Variants in EYS observed in about 807,000 individuals in gnomAD.
EYS encodes the protein EGF-like photoreceptor maintenance factor.
Under a neutral mutation model 282.1 loss-of-function variants are expected in EYS, and 250 were observed. The ratio of observed to expected loss-of-function variants is 0.89; its 90% confidence interval spans 0.80 to 0.98. The LOEUF is 0.98. EYS is among the 50% of genes least tolerant of loss of function. The pLI is 0.00. For missense variants in EYS, 4,016 were observed against 3,709.0 expected (o/e 1.08, Z -2.15); for synonymous variants, 1,355 against 1,282.9 (o/e 1.06, Z -1.20).
At chr6:65,108,820 T>C (rs1775120722) in intron 12 of EYS, among the ~76,000 whole-genome samples, 1 of 152,162 alleles carries the variant, frequency 6.6e-6, no homozygotes, top group African/African-American at 2.4e-5. Context: ...TAAAATTATA[T>C]ATATGTTGGA....
chr6:63,972,243 T>C (rs1447970820), intron 35 of EYS, among the ~76,000 whole-genome samples: 1 of 152,174 alleles, frequency 6.6e-6, no homozygotes, highest in Non-Finnish European at 1.5e-5. Context: ...ATTTTATGAA[T>C]TTGTCTTAGA....
At chr6:64,916,774 C>T (rs1311334721) in intron 15 of EYS, among the ~76,000 whole-genome samples, 2 of 152,090 alleles carry the variant, frequency 1.3e-5, no homozygotes, top group African/African-American at 2.4e-5. Context: ...CAAGTAAGTG[C>T]GTGCCTAAAG....
intron 2 of EYS, among the ~76,000 whole-genome samples, chr6:65,620,257 T>G (rs1287776240): frequency 5.3e-5 from 8 of 152,224 alleles, no homozygotes; most frequent in Non-Finnish European, 5.9e-5. Context: ...ATTCAGAGAT[T>G]CAGCTTCTTC....
At chr6:64,903,984 A>AG (rs1398523229) in intron 16 of EYS, among the ~76,000 whole-genome samples, 1 of 152,230 alleles carries the variant, frequency 6.6e-6, no homozygotes, top group African/African-American at 2.4e-5. Flanking sequence ...ACAAATAGCT[A>AG]GAAGGTGTAT....
chr6:64,346,491 G>A (rs891510911), intron 29 of EYS, among the ~76,000 whole-genome samples: 1 of 150,916 alleles, frequency 6.6e-6, no homozygotes, highest in East Asian at 2.0e-4. Flanking sequence ...TCTTAAGTGG[G>A]AATTGAACAA....
chr6:65,017,123 A>C (rs949489109), intron 13 of EYS, among the ~76,000 whole-genome samples: 3 of 152,114 alleles, frequency 2.0e-5, no homozygotes, highest in Admixed American at 2.0e-4. Flanking sequence ...ACATTGGACA[A>C]ATTTCTTCTC....
At chr6:64,660,546 A>T in intron 22 of EYS, among the ~76,000 whole-genome samples, 1 of 152,238 alleles carries the variant, frequency 6.6e-6, no homozygotes, top group Non-Finnish European at 1.5e-5. Context: ...AAGTCTCAGG[A>T]TACAAAAGCC....
At chr6:64,101,011 G>T (rs1057098137) in intron 31 of EYS, among the ~76,000 whole-genome samples, 1 of 151,940 alleles carries the variant, frequency 6.6e-6, no homozygotes, top group African/African-American at 2.4e-5. Flanking sequence ...TGCTGGCCTT[G>T]AAATCCTATA....
intron 29 of EYS, among the ~76,000 whole-genome samples, chr6:64,343,746 C>CA (rs1561941387): frequency 2.0e-5 from 3 of 152,042 alleles, no homozygotes; most frequent in East Asian, 3.9e-4. Context: ...AAAAACCCTT[C>CA]AAAAAATCAG....
intron 26 of EYS, among the ~76,000 whole-genome samples, chr6:64,555,980 G>GA (rs1765221420): frequency 6.6e-6 from 1 of 151,822 alleles, no homozygotes; most frequent in Non-Finnish European, 1.5e-5. Flanking sequence ...AACAAAAACA[G>GA]ACAATAAAAA....
chr6:65,317,262 C>T (rs1384206936), intron 11 of EYS, among the ~76,000 whole-genome samples: 1 of 152,088 alleles, frequency 6.6e-6, no homozygotes, highest in Non-Finnish European at 1.5e-5. Flanking sequence ...CTACTTAAAT[C>T]TATTCACTGA....
chr6:64,680,212 A>G (rs1769851138), intron 22 of EYS, among the ~76,000 whole-genome samples: 1 of 152,172 alleles, frequency 6.6e-6, no homozygotes, highest in Non-Finnish European at 1.5e-5. Context: ...AGCAATGGGA[A>G]CAGACTGCCT....
intron 1 of EYS, among the ~76,000 whole-genome samples, chr6:65,678,945 A>C (rs1768725437): frequency 6.6e-6 from 1 of 151,910 alleles, no homozygotes; most frequent in African/African-American, 2.4e-5. Context: ...GCCGACATCA[A>C]AACAAAACAA....
intron 23 of EYS, among the ~76,000 whole-genome samples, chr6:64,624,278 TAGC>T (rs1301059181): frequency 2.0e-5 from 3 of 152,078 alleles, no homozygotes; most frequent in African/African-American, 7.2e-5. Flanking sequence ...AAAACTAATC[TAGC>T]ACCTGTAAGA....
intron 13 of EYS, among the ~76,000 whole-genome samples, chr6:65,011,479 C>A (rs777450299): frequency 2.0e-5 from 3 of 152,178 alleles, no homozygotes; most frequent in African/African-American, 7.2e-5. Context: ...CCTGGACTGA[C>A]CAGCTAGCCC....
chr6:64,206,647 G>A (rs1394373140), intron 31 of EYS, among the ~76,000 whole-genome samples: 3 of 152,156 alleles, frequency 2.0e-5, no homozygotes, highest in Non-Finnish European at 4.4e-5. Flanking sequence ...TGCTAAGCAA[G>A]GAAGAATGAG....
intron 29 of EYS, among the ~76,000 whole-genome samples, chr6:64,369,763 T>C (rs1772296909): frequency 6.6e-6 from 1 of 152,024 alleles, no homozygotes; most frequent in Admixed American, 6.6e-5. Flanking sequence ...AGAGCTGTAT[T>C]CCTAGGTATT....
At chr6:65,045,674 T>C (rs1773079488) in intron 13 of EYS, among the ~76,000 whole-genome samples, 1 of 151,790 alleles carries the variant, frequency 6.6e-6, no homozygotes, top group African/African-American at 2.4e-5. Flanking sequence ...CTTTGCAGCC[T>C]CCAGAACCAT....
At chr6:65,508,762 C>A (rs1766755158) in intron 2 of EYS, among the ~76,000 whole-genome samples, 1 of 151,998 alleles carries the variant, frequency 6.6e-6, no homozygotes, top group Admixed American at 6.6e-5. Context: ...TGACAAATAC[C>A]CTTGCTAACA....
Sources: gnomAD v4.1 joint callset for allele counts (sites outside exome capture counted in the v4.1 genomes callset) on GRCh38, gnomAD v4.1.1 for gene constraint, MANE v1.5 for transcripts, NCBI Gene and HGNC (gene_info 2026-07-23, HGNC 2026-07-21) for gene names.